Variants in TAF15 observed in about 807,000 individuals in gnomAD.
TAF15 encodes the protein TATA-box binding protein associated factor 15, also known as TATA-binding protein-associated factor 2N.
Under a neutral mutation model 102.5 loss-of-function variants are expected in TAF15, and 37 were observed. The ratio of observed to expected loss-of-function variants is 0.36; its 90% CI spans 0.28 to 0.47. TAF15 has a LOEUF of 0.47. TAF15 is among the 20% of genes least tolerant of loss of function. TAF15 has a pLI of 0.99. For missense variants in TAF15, 652 were observed against 760.7 expected, an observed-to-expected ratio of 0.86 and a Z score of 1.68; for synonymous variants, 273 against 259.2, an observed-to-expected ratio of 1.05 and a Z score of -0.51.
chr17:35,832,635 G>C (rs1431365616), intron 7 of TAF15, among the ~76,000 whole-genome samples: 1 of 152,054 alleles, frequency 6.6e-6, no homozygotes, highest in Non-Finnish European at 1.5e-5. Flanking sequence ...AGATTCTTGG[G>C]TTATAATAGA....
intron 10 of TAF15, among the ~76,000 whole-genome samples, chr17:35,837,092 T>G (rs903226960): frequency 6.6e-6 from 1 of 152,080 alleles, no homozygotes. Context: ...ACTTTTTTCT[T>G]TCTTTGGGAG....
At chr17:35,812,306 A>G (rs1335397127) in intron 1 of TAF15, among the ~76,000 whole-genome samples, 2 of 152,160 alleles carry the variant, frequency 1.3e-5, no homozygotes, top group South Asian at 2.1e-4. Context: ...TGTTAAAAAC[A>G]TGAAGAACGG....
At chr17:35,843,108 TTTTTTTTATTTTTTA>T (rs2087567110) in intron 12 of TAF15, among the ~76,000 whole-genome samples, 1 of 151,686 alleles carries the variant, frequency 6.6e-6, no homozygotes, top group South Asian at 2.1e-4. Flanking sequence ...ACTGCCAGCT[TTTTTTTTATTTTTTA>T]TTTATTTATT....
intron 11 of TAF15, among the ~76,000 whole-genome samples, chr17:35,838,919 T>G (rs1424371231): frequency 6.6e-6 from 1 of 152,122 alleles, no homozygotes; most frequent in African/African-American, 2.4e-5. Flanking sequence ...TATCTATCAC[T>G]TGAATAATGT....
intron 7 of TAF15, among the ~76,000 whole-genome samples, chr17:35,824,570 T>G (rs1235940388): frequency 6.6e-6 from 1 of 152,170 alleles, no homozygotes; most frequent in Non-Finnish European, 1.5e-5. Flanking sequence ...AATTCTAGAT[T>G]GAGGGGCAGA....
chr17:35,847,076 G>T lies in TAF15; in HGVS notation c.*131G>T. ...TGACATTTGGATTTTTATTTGGGTG[G>T]GAGGGCTGGGACAGTTTTTCTTCTA... On this transcript the variant is annotated 3_prime_UTR_variant, in exon 16 of 16. Transcript: ENST00000605844. The T allele has an allele frequency of 1.3e-6, 1 of 790,916 alleles. No individual in the cohort carries two copies. Among genetic ancestry groups the T allele is most frequent in the East Asian group, 2.6e-5 (1 of 39,152 alleles). The allele number at this position is 790,916 out of a possible 1,614,324, so 49.0% of individuals were successfully genotyped here.
chr17:35,813,738 A>G (rs1212467324), intron 1 of TAF15, among the ~76,000 whole-genome samples: 1 of 151,722 alleles, frequency 6.6e-6, no homozygotes, highest in Non-Finnish European at 1.5e-5. Flanking sequence ...GGAAGAATCA[A>G]TAGTTGATTT....
intron 1 of TAF15, among the ~76,000 whole-genome samples, chr17:35,812,640 T>TTTAGATC (rs1052475153): frequency 2.7e-5 from 4 of 149,242 alleles, no homozygotes; most frequent in African/African-American, 9.9e-5. Context: ...AATTTCATGG[T>TTTAGATC]TTAGATCACA....
intron 1 of TAF15, among the ~76,000 whole-genome samples, chr17:35,813,413 C>T (rs959037460): frequency 5.3e-5 from 8 of 152,126 alleles, no homozygotes; most frequent in African/African-American, 1.9e-4. Context: ...GTGGGTAGAT[C>T]GCGTGAGCTC....
intron 9 of TAF15, among the ~76,000 whole-genome samples, 168 bp from the exon 10 acceptor site, chr17:35,835,960 ATAAT>A (rs370522875): frequency 2.0e-5 from 3 of 152,360 alleles, no homozygotes; most frequent in African/African-American, 7.2e-5. Context: ...GATCAACCAA[ATAAT>A]TACTGTGAAT....
intron 7 of TAF15, among the ~76,000 whole-genome samples, chr17:35,830,782 A>T (rs1598536506): frequency 6.6e-6 from 1 of 152,220 alleles, no homozygotes; most frequent in South Asian, 2.1e-4. Flanking sequence ...TACTTGGGGG[A>T]TCTTATTAAA....
At chr17:35,831,167 C>T (rs182505538) in intron 7 of TAF15, among the ~76,000 whole-genome samples, 1 of 152,262 alleles carries the variant, frequency 6.6e-6, no homozygotes, top group Admixed American at 6.5e-5. Flanking sequence ...CTTTGGGAGG[C>T]CGAGACGGGC....
At position 35,822,772 on chromosome 17, in the gene TAF15, C is replaced by T. The variant is rs912747372; in HGVS notation, c.423C>T (p.Ser141=). Residue 141 remains serine (S), a synonymous_variant, in exon 6 of 16, where the codon TCC becomes TCT. Coordinates refer to ENST00000605844, the MANE Select transcript of TAF15 (RefSeq NM_139215.3). ...CAAATTATGATCAGCAGCATGATTC[C>T]TATAGTCAAAACCAGCAGTCCTATC... ...EQSNYDQQHD[S]YSQNQQSYHS... 14 of 1,614,130 alleles carry T rather than the reference C, an allele frequency of 8.7e-6. No individual in the cohort carries two copies. Among genetic ancestry groups the T allele is most frequent in the Non-Finnish European group, 1.2e-5 (14 of 1,180,022 alleles).
At chr17:35,840,240 T>C (rs2087527618) in intron 11 of TAF15, among the ~76,000 whole-genome samples, 1 of 150,854 alleles carries the variant, frequency 6.6e-6, no homozygotes, top group Non-Finnish European at 1.5e-5. Flanking sequence ...ATAATTGCGT[T>C]ATTTTCCTTT....
rs149158899 is a variant in TAF15, at chr17:35,813,607, G to A, written c.7+4031G>A. On this transcript the variant is annotated intron_variant, in intron 1 of 15. Coordinates refer to ENST00000605844, the MANE Select transcript of TAF15 (RefSeq NM_139215.3). The stretch of plus-strand genomic sequence containing the variant: ...GCTGTGATTGTCCTACAGCACTTCA[G>A]CCTTGGCAACAGAGCGAGACCCTGT... 2.8e-3 allele frequency among the ~76,000 whole-genome samples: 419 copies of A among 149,116 alleles called. 6 individuals carry two copies. Among genetic ancestry groups the A allele is most frequent in the African/African-American group, 9.4e-3 (377 of 40,296 alleles).
chr17:35,832,739 A>G (rs2143798359), intron 7 of TAF15, among the ~76,000 whole-genome samples: 1 of 151,632 alleles, frequency 6.6e-6, no homozygotes, highest in African/African-American at 2.4e-5. Context: ...TACAGAATTC[A>G]GTTAAGAGAA....
chr17:35,838,632 G>A lies in TAF15; in HGVS notation c.913+79G>A, dbSNP rs1003852425. 5.0e-6 allele frequency: 8 copies of A among 1,597,850 alleles called. No individual in the cohort carries two copies. The African/African-American group carries it at 8.0e-5, about 16-fold the overall frequency. On this transcript the variant is annotated intron_variant, in intron 11 of 15. Transcript: ENST00000605844. ...CTGAAAGTGAGAATATGCTCTGGGTGACAGTGATTATATTCATGTTTACTT... is the reference window on the plus strand; with the variant it reads ...CTGAAAGTGAGAATATGCTCTGGGTAACAGTGATTATATTCATGTTTACTT...
chr17:35,832,094 A>C (rs935852547), intron 7 of TAF15, among the ~76,000 whole-genome samples: 2 of 151,214 alleles, frequency 1.3e-5, no homozygotes, highest in African/African-American at 2.5e-5. Flanking sequence ...AACAAACAAA[A>C]AAAAACCTCT....
intron 10 of TAF15, among the ~76,000 whole-genome samples, chr17:35,837,212 C>T (rs2087485847): frequency 6.6e-6 from 1 of 152,102 alleles, no homozygotes; most frequent in South Asian, 2.1e-4. Flanking sequence ...AGTACAGTGG[C>T]ATAATCATGG....
Sources: gnomAD v4.1 joint callset for allele counts (sites outside exome capture counted in the v4.1 genomes callset) on GRCh38, gnomAD v4.1.1 for gene constraint, MANE v1.5 for transcripts, NCBI Gene and HGNC (gene_info 2026-07-23, HGNC 2026-07-21) for gene names.